SHANK2: variants seen among roughly 807,000 people sequenced by gnomAD.
SHANK2 encodes SH3 and multiple ankyrin repeat domains protein 2.
A neutral mutation model predicts 133.7 loss-of-function variants in SHANK2; 43 were observed. The ratio of observed to expected loss-of-function variants is 0.32; its 90% CI spans 0.25 to 0.41. The LOEUF is 0.41. Among genes scored for constraint, SHANK2 ranks in the 10% least tolerant of loss-of-function variants. The pLI is 1.00. For synonymous variants in SHANK2, 1,017 were observed against 952.8 expected (o/e 1.07, Z -1.24); for missense variants, 1,994 against 2,235.8 (o/e 0.89, Z 2.18).
At position 70,487,989 on chromosome 11, in the gene SHANK2, G is replaced by A. The variant is rs571140276; in HGVS notation, c.2573-269C>T. On this transcript the variant is annotated intron_variant, in intron 24 of 25. Transcript: ENST00000601538. This position sits in a 1 kb window ranked among gnomAD's most constrained non-coding sequence, Gnocchi z 5.8. Reference sequence around the variant, plus strand: ...CCTCCAGGCACAGGCTGCAGCAGGGGAGCTGTGTGAGGCCAGGGCAGGAGG... The same window carrying A: ...CCTCCAGGCACAGGCTGCAGCAGGGAAGCTGTGTGAGGCCAGGGCAGGAGG... Among the ~76,000 whole-genome samples the A allele has an allele frequency of 5.4e-4, 83 of 152,354 alleles. No homozygotes were observed. Among genetic ancestry groups the A allele is most frequent in the African/African-American group, 1.9e-3 (78 of 41,580 alleles).
chr11:70,574,815 G>A lies in SHANK2; in HGVS notation c.2062-71884C>T, dbSNP rs536262690. 1.3e-4 allele frequency among the ~76,000 whole-genome samples: 20 copies of A among 152,312 alleles called. No individual in the cohort carries two copies. The South Asian group carries it at 3.9e-3, about 30-fold the overall frequency. On this transcript the variant is annotated intron_variant, in intron 17 of 25. Coordinates refer to ENST00000601538, the MANE Select transcript of SHANK2 (RefSeq NM_012309.5). ...GTGCGAGGACACCCAGGACATGGAA[G>A]CCCCTCTGAAACCATTATGGTTGGC...
chr11:70,668,320 G>A (rs1326031226), intron 15 of SHANK2: 1 of 152,672 alleles, frequency 6.5e-6, no homozygotes, highest in Non-Finnish European at 1.5e-5. Flanking sequence ...GAGGGAGGTT[G>A]ACACCCAGAG....
At chr11:70,596,796 G>C (rs2060407586) in intron 17 of SHANK2, among the ~76,000 whole-genome samples, 1 of 152,146 alleles carries the variant, frequency 6.6e-6, no homozygotes, top group South Asian at 2.1e-4. Context: ...CTGGAGCTGT[G>C]CTCTCCCCCA....
chr11:70,781,418 C>G (rs1479055090), intron 14 of SHANK2, among the ~76,000 whole-genome samples: 7 of 151,112 alleles, frequency 4.6e-5, no homozygotes, highest in Non-Finnish European at 1.0e-4. Context: ...ACCCAGGCAT[C>G]TCTGAGAGCC....
chr11:70,595,036 C>T (rs1554989117), intron 17 of SHANK2, among the ~76,000 whole-genome samples: 1 of 152,226 alleles, frequency 6.6e-6, no homozygotes, highest in Admixed American at 6.5e-5. Flanking sequence ...GGCTTCACAT[C>T]TGGGTGGGCC....
chr11:70,885,696 A>G (rs889978264), intron 11 of SHANK2, among the ~76,000 whole-genome samples: 4 of 152,276 alleles, frequency 2.6e-5, no homozygotes, highest in Non-Finnish European at 4.4e-5. Flanking sequence ...TCCCATCAGG[A>G]CAAAATCCAC....
At chr11:70,499,371 A>G (rs1487589515) in intron 21 of SHANK2, among the ~76,000 whole-genome samples, 2 of 152,266 alleles carry the variant, frequency 1.3e-5, no homozygotes, top group African/African-American at 4.8e-5. Context: ...CGGGAGGTGG[A>G]TCTTCTGATG....
chr11:71,068,052 T>C (rs1951091033), intron 9 of SHANK2, among the ~76,000 whole-genome samples: 1 of 151,074 alleles, frequency 6.6e-6, no homozygotes, highest in African/African-American at 2.4e-5. Context: ...ATCACAACCA[T>C]CATCACCATC....
chr11:71,148,971 A>G (rs1198032861), intron 2 of SHANK2, among the ~76,000 whole-genome samples: 2 of 128,464 alleles, frequency 1.6e-5, no homozygotes, highest in African/African-American at 7.8e-5. Flanking sequence ...GGAGGAAGAC[A>G]GGGTGGGCCG....
intron 8 of SHANK2, among the ~76,000 whole-genome samples, chr11:71,082,908 ACT>A (rs1372554994): frequency 6.6e-6 from 1 of 151,358 alleles, no homozygotes; most frequent in Admixed American, 6.6e-5. Context: ...TGTGGTAGGC[ACT>A]CTCTGAATAC....
intron 10 of SHANK2, among the ~76,000 whole-genome samples, chr11:70,914,453 A>C (rs1230633092): frequency 6.6e-6 from 1 of 151,824 alleles, no homozygotes; most frequent in Non-Finnish European, 1.5e-5. Context: ...AGAAGCTTAA[A>C]AACCCAGCCT....
intron 17 of SHANK2, among the ~76,000 whole-genome samples, chr11:70,528,791 G>A (rs1158812730): frequency 1.3e-5 from 2 of 151,996 alleles, no homozygotes; most frequent in African/African-American, 2.4e-5. Flanking sequence ...GGTGAAAGGT[G>A]AAGGGGGGTC....
Position 70,502,271 on chromosome 11 carries a change from T to C in SHANK2, c.2213A>G (p.Lys738Arg). Residue 738 changes from lysine to arginine, a missense_variant, in exon 19 of 26, where the codon AAG becomes AGG. This residue lies in a region of SHANK2 where 488 missense variants were observed against 642.6 expected (regional missense o/e 0.76). Transcript: ENST00000601538. ...GGTGAGGGCTGTGGTCGGTGCCCGC[T>C]TTGGAGGCGGGGGAGCTGGAGGGCA... ...TARKKAPPPP[K>R]RAPTTALTLR... 6.4e-7 allele frequency: 1 copy of C among 1,557,094 alleles called. No individual in the cohort carries two copies.
At chr11:70,726,914 C>T (rs577016884) in intron 14 of SHANK2, among the ~76,000 whole-genome samples, 46 of 152,350 alleles carry the variant, frequency 3.0e-4, no homozygotes, top group Non-Finnish European at 6.0e-4. Flanking sequence ...AAGGATGAGA[C>T]CCAGATGCCC....
At chr11:70,498,223 G>C (rs1019984203) in intron 21 of SHANK2, among the ~76,000 whole-genome samples, 2 of 152,274 alleles carry the variant, frequency 1.3e-5, no homozygotes, top group Non-Finnish European at 2.9e-5. Flanking sequence ...CTGGGTGAGA[G>C]AGTACAAATG....
intron 10 of SHANK2, among the ~76,000 whole-genome samples, chr11:70,916,238 G>A (rs1330149035): frequency 2.0e-5 from 3 of 152,114 alleles, no homozygotes; most frequent in East Asian, 3.9e-4. Context: ...CAGATAAGTC[G>A]AGCCCCATGC....
chr11:70,507,909 G>A (rs2059155093), intron 17 of SHANK2, among the ~76,000 whole-genome samples: 1 of 152,378 alleles, frequency 6.6e-6, no homozygotes, highest in Non-Finnish European at 1.5e-5. Context: ...GGAGGAACCC[G>A]CAAGAGCGGG....
intron 3 of SHANK2, among the ~76,000 whole-genome samples, chr11:71,126,997 G>A (rs1192371675): frequency 1.3e-5 from 2 of 152,062 alleles, no homozygotes; most frequent in African/African-American, 2.4e-5. Flanking sequence ...GAGCCACCGC[G>A]CCCAGCTAAG....
intron 2 of SHANK2, among the ~76,000 whole-genome samples, chr11:71,217,180 A>G (rs1180574546): frequency 6.8e-6 from 1 of 148,112 alleles, no homozygotes; most frequent in Non-Finnish European, 1.5e-5. Context: ...CTGGGTGACA[A>G]GAGCAAAACT....
Sources: allele counts gnomAD v4.1 joint callset (sites outside exome capture counted in the v4.1 genomes callset), GRCh38; gene constraint gnomAD v4.1.1; regional missense constraint gnomAD v4.1.1; non-coding constraint Gnocchi (gnomAD v3.1); transcripts MANE v1.5; gene names NCBI Gene and HGNC (gene_info 2026-07-23, HGNC 2026-07-21).